NBAS: variants seen among roughly 807,000 people sequenced by gnomAD.
NBAS encodes the protein NAG/BC035112 fusion.
In NBAS, 219 loss-of-function variants were observed where a neutral mutation model predicts 302.5. The ratio of observed to expected loss-of-function variants is 0.72; its 90% CI spans 0.65 to 0.81. NBAS has a LOEUF of 0.81. Ranked by LOEUF, NBAS falls within the 30% of genes least tolerant of loss-of-function variation. NBAS has a pLI of 0.00. For missense variants in NBAS, 2,932 were observed against 2,841.6 expected (o/e 1.03, Z -0.72); for synonymous variants, 1,118 against 1,021.6 (o/e 1.09, Z -1.80).
At chr2:15,357,686 GATGAATATATATATAA>G (rs1292926353) in intron 32 of NBAS, among the ~76,000 whole-genome samples, 1 of 152,058 alleles carries the variant, frequency 6.6e-6, no homozygotes, top group Non-Finnish European at 1.5e-5. Context: ...CAATCACACA[GATGAATATATATATAA>G]ATGAGGATGA....
chr2:14,850,171 A>G, the NBAS span, among the ~76,000 whole-genome samples: 1 of 134,946 alleles, frequency 7.4e-6, no homozygotes, highest in Non-Finnish European at 1.5e-5. Flanking sequence ...AGTGTGCTGT[A>G]TTCAGGAAAC....
At chr2:15,016,907 A>G in the NBAS span, among the ~76,000 whole-genome samples, 1 of 152,212 alleles carries the variant, frequency 6.6e-6, no homozygotes, top group Non-Finnish European at 1.5e-5. Flanking sequence ...ATGGTTTGAT[A>G]TAGGCATGCA....
the NBAS span, among the ~76,000 whole-genome samples, chr2:14,959,956 G>T: frequency 6.6e-6 from 1 of 152,150 alleles, no homozygotes; most frequent in Non-Finnish European, 1.5e-5. Context: ...TGGATTCTCT[G>T]CTGTTTCCTT....
chr2:15,366,842 ACAAACAG>A, intron 31 of NBAS, 149 bp from the exon 32 acceptor site: 1 of 713,194 alleles, frequency 1.4e-6, no homozygotes, highest in Non-Finnish European at 2.5e-6. Flanking sequence ...GGCACGTTTA[ACAAACAG>A]CAAAATTATT....
chr2:14,798,875 A>G, the NBAS span, among the ~76,000 whole-genome samples: 5 of 152,008 alleles, frequency 3.3e-5, no homozygotes, highest in Non-Finnish European at 5.9e-5. Flanking sequence ...CATAGAATTT[A>G]TTATCATTTT....
intron 42 of NBAS, among the ~76,000 whole-genome samples, chr2:15,281,006 T>G (rs898768607): frequency 6.6e-6 from 1 of 152,206 alleles, no homozygotes; most frequent in Non-Finnish European, 1.5e-5. Context: ...GCCAACATTC[T>G]GGCCAAGTGT....
intron 38 of NBAS, among the ~76,000 whole-genome samples, chr2:15,323,790 A>T (rs1401305209): frequency 6.6e-6 from 1 of 151,848 alleles, no homozygotes; most frequent in Non-Finnish European, 1.5e-5. Context: ...AGCCACAATC[A>T]CGCCACTGCA....
At chr2:15,316,089 C>A (rs1219867503) in intron 38 of NBAS, among the ~76,000 whole-genome samples, 1 of 152,104 alleles carries the variant, frequency 6.6e-6, no homozygotes. Flanking sequence ...ATGGACGTTG[C>A]CATTAAACAT....
chr2:15,356,397 C>T lies in NBAS; in HGVS notation c.3837G>A (p.Arg1279=). The stretch of plus-strand genomic sequence containing the variant: ...CTAAAAGGATTAGAACCTGTCCCCG[C>T]CTTTCTTCTGGGTTCTCACCTGTAA... ...LRVAGENPEE[R]RGQVLILLVE... is the part of the protein sequence containing the mutation. The change falls in exon 33 of 52, where the codon AGG becomes AGA. Residue 1279 remains arginine (R), a synonymous_variant. Coordinates refer to ENST00000281513, the MANE Select transcript of NBAS (RefSeq NM_015909.4). 1 of 1,613,798 alleles carries T rather than the reference C, an allele frequency of 6.2e-7. No individual in the cohort carries two copies. Among genetic ancestry groups the T allele is most frequent in the African/African-American group, 1.3e-5 (1 of 75,028 alleles).
chr2:14,972,132 G>C, the NBAS span, among the ~76,000 whole-genome samples: 7 of 152,298 alleles, frequency 4.6e-5, no homozygotes, highest in Non-Finnish European at 8.8e-5. Context: ...AAAAAGGAAT[G>C]AGATCATGTC....
At chr2:15,254,426 G>C (rs1235904869) in intron 44 of NBAS, among the ~76,000 whole-genome samples, 3 of 152,190 alleles carry the variant, frequency 2.0e-5, no homozygotes, top group Non-Finnish European at 4.4e-5. Context: ...GTCTCCGTTT[G>C]TGCAGTGGTA....
At chr2:14,800,773 G>C in the NBAS span, among the ~76,000 whole-genome samples, 1 of 137,512 alleles carries the variant, frequency 7.3e-6, no homozygotes, top group East Asian at 2.1e-4. Flanking sequence ...TTGATTTTAA[G>C]AGATTTAAAT....
the NBAS span, among the ~76,000 whole-genome samples, chr2:15,133,119 G>GT: frequency 6.6e-6 from 1 of 152,210 alleles, no homozygotes; most frequent in Admixed American, 6.5e-5. Flanking sequence ...TTCAGTGGTT[G>GT]TTAAGGCCTA....
chr2:15,118,515 G>A, the NBAS span, among the ~76,000 whole-genome samples: 3 of 152,098 alleles, frequency 2.0e-5, no homozygotes, highest in South Asian at 6.2e-4. Flanking sequence ...CCAATAGAAC[G>A]CAACTGAACA....
At chr2:15,179,282 C>A in intron 50 of NBAS, 166 bp from the exon 51 acceptor site, 1 of 967,966 alleles carries the variant, frequency 1.0e-6, no homozygotes, top group South Asian at 1.5e-5. Context: ...TTGGTACCTG[C>A]TTCACTTGGT....
chr2:15,430,719 ATAGTC>A (rs1677720648), intron 21 of NBAS, among the ~76,000 whole-genome samples: 1 of 152,190 alleles, frequency 6.6e-6, no homozygotes, highest in Admixed American at 6.5e-5. Context: ...CATAGGGACT[ATAGTC>A]TAGTCCCCAA....
At chr2:15,101,181 G>T in the NBAS span, among the ~76,000 whole-genome samples, 1 of 152,094 alleles carries the variant, frequency 6.6e-6, no homozygotes, top group Non-Finnish European at 1.5e-5. Flanking sequence ...TTTTAAAGCT[G>T]AACTTAGAAC....
intron 22 of NBAS, among the ~76,000 whole-genome samples, chr2:15,427,492 T>A (rs1207564802): frequency 6.6e-6 from 1 of 152,224 alleles, no homozygotes; most frequent in Non-Finnish European, 1.5e-5. Context: ...GTTGTTGTAA[T>A]AAGCACCATT....
At chr2:14,889,341 A>G in the NBAS span, among the ~76,000 whole-genome samples, 5 of 152,228 alleles carry the variant, frequency 3.3e-5, no homozygotes, top group Non-Finnish European at 7.3e-5. Flanking sequence ...AGAAAACTAC[A>G]GGATTTGCTC....
Sources: allele counts gnomAD v4.1 joint callset (sites outside exome capture counted in the v4.1 genomes callset), GRCh38; gene constraint gnomAD v4.1.1; transcripts MANE v1.5; gene names NCBI Gene and HGNC (gene_info 2026-07-23, HGNC 2026-07-21).